Variants in VWF observed in about 807,000 individuals in gnomAD.
VWF encodes the protein Factor VIII related antigen.
Under a neutral mutation model 308.6 loss-of-function variants are expected in VWF, and 176 were observed. The ratio of observed to expected loss-of-function variants is 0.57; its 90% CI spans 0.50 to 0.65. The LOEUF is 0.65. Among genes scored for constraint, VWF ranks in the 30% least tolerant of loss-of-function variants. The probability of loss-of-function intolerance (pLI) is 0.00; values close to 1 mark genes in which losing one functional copy is unlikely to be tolerated. For synonymous variants in VWF, 1,385 were observed against 1,443.4 expected (o/e 0.96, Z 0.92); for missense variants, 3,146 against 3,648.2 (o/e 0.86, Z 3.55).
chr12:6,047,123 T>C (rs1218717207), intron 16 of VWF, among the ~76,000 whole-genome samples: 7 of 152,180 alleles, frequency 4.6e-5, no homozygotes, highest in Admixed American at 4.6e-4. Flanking sequence ...GGTTCCTCCT[T>C]CTCAGCCTCA....
intron 35 of VWF, 26 bp from the exon 36 acceptor site, chr12:5,994,633 C>G (rs369111801): frequency 1.4e-5 from 23 of 1,611,158 alleles, no homozygotes; most frequent in Non-Finnish European, 2.0e-5. Context: ...AGAGCTCATC[C>G]GTAGTCCTAG....
chr12:6,041,732 C>A (rs945596486), intron 18 of VWF, among the ~76,000 whole-genome samples: 1 of 152,192 alleles, frequency 6.6e-6, no homozygotes, highest in African/African-American at 2.4e-5. Flanking sequence ...CAGGCGTGAG[C>A]CACTGCGCCC....
At chr12:6,000,184 C>T (rs563130527) in intron 34 of VWF, among the ~76,000 whole-genome samples, 23 of 152,174 alleles carry the variant, frequency 1.5e-4, no homozygotes, top group Admixed American at 7.2e-4. Context: ...GCCAGATGTC[C>T]GGAAAAATTA....
chr12:6,056,575 A>C (rs533441332), intron 15 of VWF, among the ~76,000 whole-genome samples: 1 of 152,128 alleles, frequency 6.6e-6, no homozygotes, highest in East Asian at 1.9e-4. Flanking sequence ...GCCACGGGAA[A>C]CCCAAGCTTT....
At position 6,044,698 on chromosome 12, in the gene VWF, C is replaced by G. The variant is rs184220296; in HGVS notation, c.2282-247G>C. On this transcript the variant is annotated intron_variant, in intron 17 of 51. Coordinates refer to ENST00000261405, the MANE Select transcript of VWF (RefSeq NM_000552.5). Reference sequence around the variant, plus strand: ...TCTGACCCCAGCTCTCATCTAATGTCCCATACTTGTCATCACCCTTAACCT... The same window carrying G: ...TCTGACCCCAGCTCTCATCTAATGTGCCATACTTGTCATCACCCTTAACCT... Among the ~76,000 whole-genome samples, 540 of 152,282 alleles carry G rather than the reference C, an allele frequency of 3.5e-3. 3 individuals are homozygous for G. Among genetic ancestry groups the G allele is most frequent in the Non-Finnish European group, 5.8e-3 (396 of 68,018 alleles).
chr12:6,036,025 A>T (rs2136431791), intron 19 of VWF, among the ~76,000 whole-genome samples: 1 of 152,372 alleles, frequency 6.6e-6, no homozygotes, highest in Non-Finnish European at 1.5e-5. Flanking sequence ...TATAAGGTAT[A>T]TATGAACCAT....
chr12:6,095,735 GC>G (rs1360957258), intron 5 of VWF, 151 bp from the exon 6 acceptor site: 13 of 1,096,266 alleles, frequency 1.2e-5, no homozygotes, highest in East Asian at 1.1e-4. Flanking sequence ...AGGCTGGAGT[GC>G]AGCGGCTATT....
At chr12:6,065,109 G>A (rs529382993) in intron 11 of VWF, 28 bp downstream of exon 11, 79 of 1,613,934 alleles carry the variant, frequency 4.9e-5, no homozygotes, top group East Asian at 1.1e-4. Flanking sequence ...GCTACCACCC[G>A]ACCAGCAGCC....
At chr12:6,103,060 G>C (rs1454712912) in intron 5 of VWF, among the ~76,000 whole-genome samples, 1 of 152,150 alleles carries the variant, frequency 6.6e-6, no homozygotes, top group Non-Finnish European at 1.5e-5. Flanking sequence ...AGGCGTGGTG[G>C]CTCATGCCTG....
At chr12:6,001,749 G>A (rs1943875571) in intron 34 of VWF, among the ~76,000 whole-genome samples, 1 of 152,154 alleles carries the variant, frequency 6.6e-6, no homozygotes, top group African/African-American at 2.4e-5. Flanking sequence ...TAGTTCTCAT[G>A]GAGGGGTGAC....
At chr12:6,028,558 C>G (rs1944220702) in intron 22 of VWF, among the ~76,000 whole-genome samples, 1 of 152,174 alleles carries the variant, frequency 6.6e-6, no homozygotes, top group African/African-American at 2.4e-5. Flanking sequence ...AATAGCAGAT[C>G]TCTTGGCAGA....
intron 34 of VWF, among the ~76,000 whole-genome samples, chr12:6,008,461 A>C (rs1296331674): frequency 6.6e-6 from 1 of 152,218 alleles, no homozygotes; most frequent in East Asian, 1.9e-4. Context: ...CATTTGTCAT[A>C]ATTCAAACAC....
intron 34 of VWF, among the ~76,000 whole-genome samples, chr12:5,998,197 G>T (rs1327011034): frequency 6.6e-6 from 1 of 151,844 alleles, no homozygotes; most frequent in Non-Finnish European, 1.5e-5. Flanking sequence ...TAATACTTCA[G>T]CTATTAATAT....
intron 38 of VWF, among the ~76,000 whole-genome samples, chr12:5,988,661 T>TA (rs1943705733): frequency 6.6e-6 from 1 of 152,060 alleles, no homozygotes; most frequent in African/African-American, 2.4e-5. Context: ...AGAATAAAAA[T>TA]TAAAAATTTA....
chr12:6,121,117 G>A, intron 3 of VWF, 57 bp downstream of exon 3: 1 of 1,610,176 alleles, frequency 6.2e-7, no homozygotes, highest in Non-Finnish European at 8.5e-7. Context: ...CCCCACACCA[G>A]GGCTAAGCTC....
chr12:5,952,296 T>C (rs1943200480), intron 49 of VWF, 95 bp downstream of exon 49: 1 of 1,547,510 alleles, frequency 6.5e-7, no homozygotes, highest in Non-Finnish European at 8.9e-7. Flanking sequence ...CCTCAGACAC[T>C]GAGAAATTAT....
chr12:6,028,397 GAAATACAGAGAACACCAC>G (rs1162702739), intron 22 of VWF, among the ~76,000 whole-genome samples: 7 of 152,094 alleles, frequency 4.6e-5, no homozygotes, highest in Admixed American at 4.6e-4. Flanking sequence ...TCAGATTCAA[GAAATACAGAGAACACCAC>G]AAAGATACTC....
At chr12:6,080,778 G>T (rs1019023131) in intron 6 of VWF, among the ~76,000 whole-genome samples, 2 of 152,344 alleles carry the variant, frequency 1.3e-5, no homozygotes, top group African/African-American at 4.8e-5. Context: ...CCTTGAGTAG[G>T]TGTCTACTTT....
At chr12:6,050,358 G>A (rs987559525) in intron 16 of VWF, among the ~76,000 whole-genome samples, 2 of 152,096 alleles carry the variant, frequency 1.3e-5, no homozygotes, top group African/African-American at 2.4e-5. Flanking sequence ...CCTTCTTATC[G>A]GTCAACGTCA....
Sources: allele counts gnomAD v4.1 joint callset (sites outside exome capture counted in the v4.1 genomes callset), GRCh38; gene constraint gnomAD v4.1.1; transcripts MANE v1.5; gene names NCBI Gene and HGNC (gene_info 2026-07-23, HGNC 2026-07-21).